The following PDE7A variants were observed in gnomAD, a reference collection of about 807,000 sequenced individuals.
PDE7A encodes high affinity 3',5'-cyclic-AMP phosphodiesterase 7A.
A neutral mutation model predicts 64.3 loss-of-function variants in PDE7A; 39 were observed. That is an observed-to-expected ratio of 0.61 (90% confidence interval 0.47 to 0.79). The LOEUF is 0.79. Among genes scored for constraint, PDE7A ranks in the 30% least tolerant of loss-of-function variants. The pLI is 0.00. For missense variants in PDE7A, 470 were observed against 582.8 expected, an observed-to-expected ratio of 0.81 and a Z score of 1.99; for synonymous variants, 203 against 206.8, an observed-to-expected ratio of 0.98 and a Z score of 0.16.
chr8:65,741,971 T>TA (rs1807456187), intron 5 of PDE7A, among the ~76,000 whole-genome samples: 1 of 152,198 alleles, frequency 6.6e-6, no homozygotes, highest in Non-Finnish European at 1.5e-5. Flanking sequence ...ATCAGTCTCT[T>TA]AAAGTGTACT....
Position 65,785,590 on chromosome 8 carries a change from C to T in PDE7A, c.139-2747G>A, listed in dbSNP as rs181251510. On this transcript the variant is annotated intron_variant, in intron 1 of 12. Transcript: ENST00000401827. Reference sequence around the variant, plus strand: ...CCAACATATTTAGCTTACTAGATTACAGGTCTCTCCTCAATACCACCAATC... The same window carrying T: ...CCAACATATTTAGCTTACTAGATTATAGGTCTCTCCTCAATACCACCAATC... 3.9e-5 allele frequency among the ~76,000 whole-genome samples: 6 copies of T among 152,242 alleles called. No homozygotes were observed. In the East Asian group the frequency reaches 1.2e-3, roughly 29 times the overall value.
intron 1 of PDE7A, among the ~76,000 whole-genome samples, chr8:65,830,326 T>C (rs1810785439): frequency 6.6e-6 from 1 of 152,006 alleles, no homozygotes; most frequent in African/African-American, 2.4e-5. Flanking sequence ...GAGAATCAAA[T>C]CCAGTTGCTA....
intron 3 of PDE7A, among the ~76,000 whole-genome samples, chr8:65,758,945 C>T (rs1040788174): frequency 6.6e-6 from 1 of 152,098 alleles, no homozygotes; most frequent in South Asian, 2.1e-4. Context: ...CCATAGGCAG[C>T]CTCTGTCTCT....
chr8:65,813,306 G>C (rs888556237), intron 1 of PDE7A, among the ~76,000 whole-genome samples: 12 of 152,056 alleles, frequency 7.9e-5, no homozygotes, highest in African/African-American at 2.7e-4. Context: ...AGCACTGTTT[G>C]AAAGTACTAT....
intron 2 of PDE7A, among the ~76,000 whole-genome samples, chr8:65,782,045 AAAG>A (rs1809433442): frequency 6.6e-6 from 1 of 152,198 alleles, no homozygotes; most frequent in Non-Finnish European, 1.5e-5. Context: ...TGAAGGTGGC[AAAG>A]AAGAAAACAA....
intron 3 of PDE7A, among the ~76,000 whole-genome samples, chr8:65,755,887 A>G (rs186699493): frequency 6.6e-6 from 1 of 152,286 alleles, no homozygotes; most frequent in Non-Finnish European, 1.5e-5. Context: ...CCTCCTGAGT[A>G]GCTAGGATTA....
intron 1 of PDE7A, among the ~76,000 whole-genome samples, chr8:65,820,735 G>A (rs900889515): frequency 2.0e-5 from 3 of 151,962 alleles, no homozygotes; most frequent in East Asian, 1.9e-4. Flanking sequence ...GACTACAGAC[G>A]CACACCACTA....
chr8:65,796,133 T>TA (rs58859673), intron 1 of PDE7A, among the ~76,000 whole-genome samples: 1,451 of 137,040 alleles, frequency 0.011, 13 homozygotes, highest in African/African-American at 0.03. Flanking sequence ...AAATAAAAAC[T>TA]AAAAAAAAAA....
At chr8:65,747,487 A>G (rs1807727559) in intron 4 of PDE7A, among the ~76,000 whole-genome samples, 165 bp downstream of exon 4, 1 of 152,222 alleles carries the variant, frequency 6.6e-6, no homozygotes, top group Non-Finnish European at 1.5e-5. Context: ...TGTAATGGCT[A>G]ATTATAAAAC....
chr8:65,841,609 G>A lies in PDE7A; in HGVS notation c.-101C>T. 2 of 436,900 alleles carry A rather than the reference G, an allele frequency of 4.6e-6. No individual in the cohort carries two copies. The highest frequency in any genetic ancestry group is 9.9e-5 in the South Asian group (1 of 10,078). The allele number at this position is 436,900 out of a possible 1,614,324, so 27.1% of individuals were successfully genotyped here. On this transcript the variant is annotated 5_prime_UTR_variant, in exon 1 of 13. Transcript: ENST00000401827. ...GGCTCGGGGGCTCCGGGCCGAGACGGGGGCAGGGCGGGCGGGGACCGACCC... is the reference window on the plus strand; with the variant it reads ...GGCTCGGGGGCTCCGGGCCGAGACGAGGGCAGGGCGGGCGGGGACCGACCC...
intron 1 of PDE7A, among the ~76,000 whole-genome samples, chr8:65,801,603 T>A (rs1809988377): frequency 6.7e-6 from 1 of 148,996 alleles, no homozygotes; most frequent in Admixed American, 6.7e-5. Flanking sequence ...TACACTCATT[T>A]AAAAAAAAAA....
intron 3 of PDE7A, among the ~76,000 whole-genome samples, chr8:65,773,033 T>G (rs1238314954): frequency 6.6e-6 from 1 of 151,964 alleles, no homozygotes; most frequent in Non-Finnish European, 1.5e-5. Flanking sequence ...GAAAAAGTTT[T>G]GTAAGCTAAC....
chr8:65,786,478 G>GA (rs1809562080), intron 1 of PDE7A, among the ~76,000 whole-genome samples: 1 of 151,970 alleles, frequency 6.6e-6, no homozygotes, highest in African/African-American at 2.4e-5. Flanking sequence ...ACTCATTTTG[G>GA]AAAAAACACT....
Position 65,779,731 on chromosome 8 carries a change from C to A in PDE7A, c.272G>T (p.Arg91Leu). The A allele has an allele frequency of 6.4e-7, 1 of 1,560,780 alleles. No homozygotes were observed. Among genetic ancestry groups the A allele is most frequent in the Non-Finnish European group, 8.7e-7 (1 of 1,143,374 alleles). The change falls in exon 3 of 13, where the codon CGT becomes CTT. Residue 91 changes from arginine to leucine, a missense_variant. Arg to Leu is a moderately radical substitution (Grantham distance 102, BLOSUM62 -2). Coordinates refer to ENST00000401827, the MANE Select transcript of PDE7A (RefSeq NM_001242318.3). The stretch of plus-strand genomic sequence containing the variant: ...CTACCAACACTTACAGTGGAAAATA[C>A]GAAAATCAATATATGGGTGAGAACC... ...RRGSHPYIDF[R>L]IFHSQSEIEV...
intron 1 of PDE7A, among the ~76,000 whole-genome samples, chr8:65,827,335 T>C (rs1810703120): frequency 6.6e-6 from 1 of 152,230 alleles, no homozygotes; most frequent in African/African-American, 2.4e-5. Flanking sequence ...CTTCTAATGG[T>C]AATATTCTAT....
At position 65,764,161 on chromosome 8, in the gene PDE7A, G is replaced by A. The variant is rs558761527; in HGVS notation, c.283+15559C>T. ...AGGAATTACAATAGAAAAGAGATAG[G>A]AGCATGGGTGATAGAAAAGACAGGA... On this transcript the variant is annotated intron_variant, in intron 3 of 12. Coordinates refer to ENST00000401827, the MANE Select transcript of PDE7A (RefSeq NM_001242318.3). 1.9e-4 allele frequency among the ~76,000 whole-genome samples: 29 copies of A among 152,306 alleles called. No homozygotes were observed. In the South Asian group the frequency reaches 5.4e-3, roughly 28 times the overall value.
At chr8:65,735,161 T>TA (rs1416108240) in intron 6 of PDE7A, among the ~76,000 whole-genome samples, 2 of 152,148 alleles carry the variant, frequency 1.3e-5, no homozygotes, top group Non-Finnish European at 2.9e-5. Flanking sequence ...TTGACAGCCC[T>TA]AGCAGCATAA....
At chr8:65,729,895 A>T (rs1806779571) in intron 7 of PDE7A, among the ~76,000 whole-genome samples, 3 of 151,918 alleles carry the variant, frequency 2.0e-5, no homozygotes, top group Non-Finnish European at 4.4e-5. Flanking sequence ...TTGACACATT[A>T]TGTCCATCCT....
intron 1 of PDE7A, among the ~76,000 whole-genome samples, chr8:65,812,888 G>A (rs562805400): frequency 1.3e-5 from 2 of 152,192 alleles, no homozygotes; most frequent in African/African-American, 2.4e-5. Context: ...TGGAGATAAC[G>A]AGAAAGAAAC....
Sources: gnomAD v4.1 joint callset for allele counts (sites outside exome capture counted in the v4.1 genomes callset) on GRCh38, gnomAD v4.1.1 for gene constraint, MANE v1.5 for transcripts, NCBI Gene and HGNC (gene_info 2026-07-23, HGNC 2026-07-21) for gene names.